SLC4A7: variants seen among roughly 807,000 people sequenced by gnomAD.
SLC4A7 encodes sodium bicarbonate cotransporter 3.
SLC4A7 carries 51 observed loss-of-function variants against 137.6 expected under a neutral mutation model. The ratio of observed to expected loss-of-function variants is 0.37; its 90% CI spans 0.30 to 0.47. The LOEUF is 0.47. Ranked by LOEUF, SLC4A7 falls within the 20% of genes least tolerant of loss-of-function variation. The pLI is 1.00. For missense variants in SLC4A7, 1,247 were observed against 1,525.4 expected (o/e 0.82, Z 3.04); for synonymous variants, 542 against 518.6 (o/e 1.05, Z -0.61).
At chr3:27,439,797 C>G (rs2057046404) in intron 3 of SLC4A7, among the ~76,000 whole-genome samples, 1 of 152,112 alleles carries the variant, frequency 6.6e-6, no homozygotes, top group Non-Finnish European at 1.5e-5. Flanking sequence ...TTCCTTTTCC[C>G]AAATCACAGA....
chr3:27,450,534 A>G (rs1285287844), intron 2 of SLC4A7, among the ~76,000 whole-genome samples: 1 of 152,124 alleles, frequency 6.6e-6, no homozygotes. Flanking sequence ...GTGGAAATTA[A>G]AGAGTCAAAT....
intron 25 of SLC4A7, among the ~76,000 whole-genome samples, chr3:27,378,339 A>G (rs2050100862): frequency 1.3e-5 from 2 of 152,190 alleles, no homozygotes; most frequent in Non-Finnish European, 2.9e-5. Flanking sequence ...AGGCCTAGAA[A>G]AGTTTTCATC....
intron 7 of SLC4A7, among the ~76,000 whole-genome samples, chr3:27,427,578 C>A (rs1213471515): frequency 2.6e-5 from 4 of 152,074 alleles, no homozygotes; most frequent in Non-Finnish European, 4.4e-5. Flanking sequence ...GACTCTATGA[C>A]ACAAAAATCC....
intron 11 of SLC4A7, among the ~76,000 whole-genome samples, chr3:27,415,192 G>C (rs992442741): frequency 6.6e-6 from 1 of 152,164 alleles, no homozygotes; most frequent in African/African-American, 2.4e-5. Context: ...GAACTCACAG[G>C]TTTTGGGTGG....
At chr3:27,448,840 G>GA in intron 2 of SLC4A7, 43 bp from the exon 3 acceptor site, 3 of 1,462,462 alleles carry the variant, frequency 2.1e-6, no homozygotes, top group Non-Finnish European at 2.8e-6. Context: ...TTCCAAAAGA[G>GA]AAAAAAGTGA....
At chr3:27,420,580 T>C (rs2054865670) in intron 10 of SLC4A7, 120 bp downstream of exon 10, 2 of 545,140 alleles carry the variant, frequency 3.7e-6, no homozygotes, top group Non-Finnish European at 3.0e-6. Context: ...TAAAACAGTA[T>C]ACACAGCAAG....
chr3:27,447,115 T>A (rs1257453587), intron 3 of SLC4A7, among the ~76,000 whole-genome samples: 6 of 151,452 alleles, frequency 4.0e-5, no homozygotes, highest in Non-Finnish European at 2.9e-5. Context: ...CTTGAACTCC[T>A]GACCTCGTGA....
At position 27,393,911 on chromosome 3, in the gene SLC4A7, T is replaced by C. The variant is rs140054830; in HGVS notation, c.3117+607A>G. ...AACTTTAGGTCAGCAGCTCTCAAAC[T>C]CTGTGGTCTCAAGACTCCTTTATAC... is the stretch of plus-strand genomic sequence containing the variant. On this transcript the variant is annotated intron_variant, in intron 20 of 25. Transcript: ENST00000454389. Among the ~76,000 whole-genome samples, 4 of 152,328 alleles carry C rather than the reference T, an allele frequency of 2.6e-5. No individual in the cohort carries two copies. The East Asian group carries it at 7.7e-4, about 29-fold the overall frequency.
intron 2 of SLC4A7, among the ~76,000 whole-genome samples, chr3:27,451,876 T>C (rs769489377): frequency 1.3e-5 from 2 of 152,166 alleles, no homozygotes; most frequent in Non-Finnish European, 2.9e-5. Context: ...ATGGAGGAAC[T>C]ATGTGCTGTC....
intron 7 of SLC4A7, among the ~76,000 whole-genome samples, chr3:27,428,544 G>T (rs886320947): frequency 1.3e-5 from 2 of 152,106 alleles, no homozygotes; most frequent in African/African-American, 4.8e-5. Context: ...AATGTAACTG[G>T]TGTGTTTCCA....
At position 27,387,994 on chromosome 3, in the gene SLC4A7, ATTC is replaced by A. The variant is rs1340705297; in HGVS notation, c.3360+1934_3360+1936del. Among the ~76,000 whole-genome samples, 3 of 152,130 alleles carry A rather than the reference ATTC, an allele frequency of 2.0e-5. No homozygotes were observed. The East Asian group carries it at 5.8e-4, about 29-fold the overall frequency. Reference sequence around the variant, plus strand: ...TAAAGGGGTCTTTCTTTTAAAATTTATTCTTAAGTACTTTATGGTTTTTGATCA... The same window carrying A: ...TAAAGGGGTCTTTCTTTTAAAATTTATTAAGTACTTTATGGTTTTTGATCA... On this transcript the variant is annotated intron_variant, in intron 22 of 25. Transcript: ENST00000454389.
chr3:27,398,267 G>C lies in SLC4A7; in HGVS notation c.2514C>G (p.Val838=), dbSNP rs1023570829. ...GAAAAAATGTTGTGAAAAACAAGAT[G>C]ACACACCAAAAGAGCACATCTGGAA... ...PYIPDVLFWC[V]ILFFTTFFLS... The change falls in exon 17 of 26, where the codon GTC becomes GTG. Residue 838 remains valine, a synonymous_variant. Coordinates refer to ENST00000454389, the MANE Select transcript of SLC4A7 (RefSeq NM_001321103.2). The C allele has an allele frequency of 6.2e-7, 1 of 1,612,912 alleles. No homozygotes were observed. The highest frequency in any genetic ancestry group is 1.7e-5 in the Admixed American group (1 of 60,006).
chr3:27,440,201 G>C (rs965039978), intron 3 of SLC4A7, among the ~76,000 whole-genome samples: 1 of 152,098 alleles, frequency 6.6e-6, no homozygotes, highest in Non-Finnish European at 1.5e-5. Context: ...TCACGGTGTT[G>C]GCAGGGCTGG....
chr3:27,399,599 AT>A (rs1202478829), intron 16 of SLC4A7, among the ~76,000 whole-genome samples: 1 of 151,636 alleles, frequency 6.6e-6, no homozygotes, highest in South Asian at 2.1e-4. Context: ...TACCAGGGTA[AT>A]TTTTTAATTT....
intron 3 of SLC4A7, among the ~76,000 whole-genome samples, chr3:27,445,950 AAAAAAAAAAAAAAATATAT>A (rs1400620064): frequency 2.3e-4 from 7 of 30,752 alleles, no homozygotes; most frequent in Non-Finnish European, 4.2e-4. Context: ...AAAAAAAAAA[AAAAAAAAAAAAAAATATAT>A]ATATATATAT....
At chr3:27,464,569 G>A (rs762140243) in intron 1 of SLC4A7, among the ~76,000 whole-genome samples, 4 of 151,932 alleles carry the variant, frequency 2.6e-5, no homozygotes, top group Admixed American at 1.3e-4. Context: ...GGTGGCGGGC[G>A]CCTTTACCAG....
At chr3:27,387,849 G>A (rs1033988823) in intron 22 of SLC4A7, among the ~76,000 whole-genome samples, 3 of 152,120 alleles carry the variant, frequency 2.0e-5, no homozygotes, top group South Asian at 2.1e-4. Context: ...AGGATTCCCC[G>A]CTGGAGGCTT....
chr3:27,438,880 C>T (rs565161243), intron 3 of SLC4A7, among the ~76,000 whole-genome samples: 42 of 152,272 alleles, frequency 2.8e-4, no homozygotes, highest in African/African-American at 9.4e-4. Context: ...AAACTGTAAG[C>T]TTGGGGTTTT....
chr3:27,374,626 A>C lies in SLC4A7; in HGVS notation c.*2138T>G, dbSNP rs1478516983. 3 of 152,492 alleles carry C rather than the reference A, an allele frequency of 2.0e-5. No individual in the cohort carries two copies. Among genetic ancestry groups the C allele is most frequent in the African/African-American group, 7.2e-5 (3 of 41,456 alleles). The allele number at this position is 152,492 out of a possible 1,614,324, so 9.4% of individuals were successfully genotyped here. A position where few individuals can be genotyped will look rare whatever the true frequency, so the allele number is the denominator to read the frequency against. On this transcript the variant is annotated 3_prime_UTR_variant, in exon 26 of 26. Coordinates refer to ENST00000454389, the MANE Select transcript of SLC4A7 (RefSeq NM_001321103.2). ...CAGTAACATTTAGAAGCATTGTAAA[A>C]ACATTTTGAGTGCAAAGTATTTTGC...
Sources: gnomAD v4.1 joint callset for allele counts (sites outside exome capture counted in the v4.1 genomes callset) on GRCh38, gnomAD v4.1.1 for gene constraint, MANE v1.5 for transcripts, NCBI Gene and HGNC (gene_info 2026-07-23, HGNC 2026-07-21) for gene names.